Variants in PTPRD observed in about 807,000 individuals in gnomAD.
The protein encoded by PTPRD is protein tyrosine phosphatase receptor type D, also known as receptor-type tyrosine-protein phosphatase delta.
In PTPRD, 34 loss-of-function variants were observed where a neutral mutation model predicts 214.5. The observed-to-expected ratio is 0.16, with a 90% CI of 0.12 to 0.21. The LOEUF (loss-of-function observed/expected upper bound fraction) is 0.21, where lower values mean the gene tolerates loss of function less well. PTPRD is among the 10% of genes least tolerant of loss of function. The pLI, the probability that PTPRD is intolerant of heterozygous loss-of-function variation, is 1.00. For synonymous variants in PTPRD, 1,128 were observed against 845.7 expected (o/e 1.33, Z -5.79); for missense variants, 2,545 against 2,398.7 (o/e 1.06, Z -1.27).
intron 9 of PTPRD, among the ~76,000 whole-genome samples, chr9:9,229,982 T>A (rs1409536528): frequency 6.6e-6 from 1 of 152,172 alleles, no homozygotes; most frequent in Non-Finnish European, 1.5e-5. Flanking sequence ...TTAAGATTTA[T>A]CTTGTAATGA....
intron 5 of PTPRD, among the ~76,000 whole-genome samples, chr9:9,928,443 C>T (rs867821725): frequency 6.6e-6 from 1 of 152,042 alleles, no homozygotes; most frequent in South Asian, 2.1e-4. Context: ...TTGAACAATG[C>T]TGATTTGATG....
At chr9:10,150,669 C>A (rs1295197203) in intron 3 of PTPRD, among the ~76,000 whole-genome samples, 1 of 147,054 alleles carries the variant, frequency 6.8e-6, no homozygotes, top group African/African-American at 2.5e-5. Flanking sequence ...AAAAAAAAAA[C>A]TTAAAAATGA....
At chr9:8,616,558 T>G (rs2095618200) in intron 14 of PTPRD, among the ~76,000 whole-genome samples, 1 of 152,086 alleles carries the variant, frequency 6.6e-6, no homozygotes, top group African/African-American at 2.4e-5. Flanking sequence ...TAATAAACCG[T>G]GGTCTGTGGT....
intron 5 of PTPRD, among the ~76,000 whole-genome samples, chr9:9,881,835 GA>G (rs776074739): frequency 2.0e-5 from 3 of 152,096 alleles, no homozygotes; most frequent in Non-Finnish European, 2.9e-5. Context: ...ATGCCAGAAT[GA>G]CTAGGTTTGC....
intron 10 of PTPRD, among the ~76,000 whole-genome samples, chr9:9,089,170 T>C (rs1009590484): frequency 6.6e-6 from 1 of 152,186 alleles, no homozygotes; most frequent in East Asian, 1.9e-4. Flanking sequence ...TATTCTTGTG[T>C]TGAAGGACTT....
intron 8 of PTPRD, among the ~76,000 whole-genome samples, chr9:9,401,030 G>C (rs561690451): frequency 1.9e-4 from 29 of 152,056 alleles, no homozygotes; most frequent in African/African-American, 6.3e-4. Context: ...AAAATACAGT[G>C]AAGAAAAAAT....
intron 3 of PTPRD, among the ~76,000 whole-genome samples, chr9:10,043,191 G>C (rs1267464173): frequency 2.0e-5 from 3 of 151,834 alleles, no homozygotes; most frequent in Non-Finnish European, 2.9e-5. Context: ...ATGTGATATT[G>C]CCTCTCTGAT....
intron 9 of PTPRD, among the ~76,000 whole-genome samples, chr9:9,274,487 T>C (rs1569566568): frequency 6.6e-6 from 1 of 151,302 alleles, no homozygotes; most frequent in Non-Finnish European, 1.5e-5. Context: ...TAAGGTATTA[T>C]ACTTCCAAGG....
chr9:10,512,040 ATATACACACACG>A (rs1566643953), intron 2 of PTPRD, among the ~76,000 whole-genome samples: 1 of 129,694 alleles, frequency 7.7e-6, no homozygotes, highest in African/African-American at 3.1e-5. Flanking sequence ...GTATATATAT[ATATACACACACG>A]TATATATATA....
chr9:8,826,108 G>A (rs10815964), intron 11 of PTPRD, among the ~76,000 whole-genome samples: 87,496 of 151,694 alleles, frequency 0.58, 26,202 homozygotes, highest in African/African-American at 0.75. Context: ...CACAGATAAA[G>A]GCCTGTATCT....
intron 43 of PTPRD, 65 bp from the exon 44 acceptor site, chr9:8,331,801 G>C (rs568840340): frequency 6.7e-7 from 1 of 1,481,814 alleles, no homozygotes; most frequent in Non-Finnish European, 9.0e-7. Flanking sequence ...GCAAGCATAC[G>C]GACCACAAGA....
rs1029574214 is a variant in PTPRD, at chr9:8,449,655, C to A, written c.3988+70G>T. ...TCAAAATAAAGTGATACCTTCAACT[C>A]TTAATATCAATTGAGCTGTACAACT... On this transcript the variant is annotated intron_variant, in intron 34 of 45. Transcript: ENST00000381196. 21 of 1,388,252 alleles carry A rather than the reference C, an allele frequency of 1.5e-5. No homozygotes were observed. In the African/African-American group the frequency reaches 3.0e-4, roughly 20 times the overall value. The allele number at this position is 1,388,252 out of a possible 1,614,324, so 86.0% of individuals were successfully genotyped here. A position where few individuals can be genotyped will look rare whatever the true frequency, so the allele number is the denominator to read the frequency against.
intron 5 of PTPRD, among the ~76,000 whole-genome samples, chr9:9,845,950 C>T (rs542127753): frequency 6.6e-6 from 1 of 152,102 alleles, no homozygotes; most frequent in South Asian, 2.1e-4. Flanking sequence ...AAAGAAAAAG[C>T]AACAGTTTGA....
At chr9:8,615,226 T>C (rs2095571983) in intron 14 of PTPRD, among the ~76,000 whole-genome samples, 1 of 151,204 alleles carries the variant, frequency 6.6e-6, no homozygotes, top group African/African-American at 2.5e-5. Flanking sequence ...TAACTCCCAT[T>C]AGCGTTAATG....
chr9:9,776,312 C>A (rs1484296931), intron 5 of PTPRD, among the ~76,000 whole-genome samples: 1 of 152,168 alleles, frequency 6.6e-6, no homozygotes, highest in Non-Finnish European at 1.5e-5. Flanking sequence ...CCCTTTCCAT[C>A]TTTATCCTAG....
chr9:10,454,828 CAT>C lies in PTPRD; in HGVS notation c.-599-113813_-599-113812del, dbSNP rs1491071318. Among the ~76,000 whole-genome samples the C allele has an allele frequency of 4.6e-5, 7 of 151,682 alleles. No individual in the cohort carries two copies. In the South Asian group the frequency reaches 1.2e-3, roughly 27 times the overall value. On this transcript the variant is annotated intron_variant, in intron 2 of 45. Coordinates refer to ENST00000381196, the MANE Select transcript of PTPRD (RefSeq NM_002839.4). ...AAATGTTTACACACACACACACACA[CAT>C]GCACATGCACACACACATATAATAG... is the stretch of plus-strand genomic sequence containing the variant.
At chr9:9,843,687 A>G (rs947975740) in intron 5 of PTPRD, among the ~76,000 whole-genome samples, 1 of 152,038 alleles carries the variant, frequency 6.6e-6, no homozygotes, top group Non-Finnish European at 1.5e-5. Context: ...CACATATATT[A>G]AACTTTGTTT....
At chr9:8,929,436 A>T (rs574442938) in intron 11 of PTPRD, among the ~76,000 whole-genome samples, 1 of 151,946 alleles carries the variant, frequency 6.6e-6, no homozygotes, top group Admixed American at 6.6e-5. Context: ...TTCTGCATCT[A>T]TGGAGATAAT....
At chr9:8,854,275 T>C (rs1229313314) in intron 11 of PTPRD, among the ~76,000 whole-genome samples, 1 of 152,160 alleles carries the variant, frequency 6.6e-6, no homozygotes, top group Admixed American at 6.5e-5. Flanking sequence ...ACTTGACTCT[T>C]ATACTGCCTG....
Sources: gnomAD v4.1 joint callset for allele counts (sites outside exome capture counted in the v4.1 genomes callset) on GRCh38, gnomAD v4.1.1 for gene constraint, MANE v1.5 for transcripts, NCBI Gene and HGNC (gene_info 2026-07-23, HGNC 2026-07-21) for gene names.